The following ASIC2 variants were observed in gnomAD, a reference collection of about 807,000 sequenced individuals.
ASIC2 encodes acid sensing ion channel subunit 2.
A neutral mutation model predicts 57.3 loss-of-function variants in ASIC2; 25 were observed. The observed-to-expected ratio is 0.44, with a 90% CI of 0.32 to 0.61. The LOEUF is 0.61. Among genes scored for constraint, ASIC2 ranks in the 20% least tolerant of loss-of-function variants. The probability of loss-of-function intolerance (pLI) is 0.06; values close to 1 mark genes in which losing one functional copy is unlikely to be tolerated. For synonymous variants in ASIC2, 319 were observed against 307.5 expected (o/e 1.04, Z -0.39); for missense variants, 641 against 738.1 (o/e 0.87, Z 1.52).
intron 1 of ASIC2, among the ~76,000 whole-genome samples, chr17:33,579,421 GGA>G (rs1289646911): frequency 5.3e-5 from 8 of 152,058 alleles, no homozygotes; most frequent in African/African-American, 1.7e-4. Flanking sequence ...TAGAAAACAA[GGA>G]GATATAGACT....
chr17:33,017,766 C>A, intron 7 of ASIC2, 82 bp from the exon 8 acceptor site: 1 of 1,328,974 alleles, frequency 7.5e-7, no homozygotes, highest in Non-Finnish European at 1.1e-6. Flanking sequence ...CAACCCAGAC[C>A]TTCTGAATGG....
At chr17:33,357,254 G>A (rs889183285) in intron 1 of ASIC2, among the ~76,000 whole-genome samples, 9 of 152,182 alleles carry the variant, frequency 5.9e-5, no homozygotes, top group East Asian at 3.9e-4. Flanking sequence ...ATATGCACAG[G>A]GGGTACAGTT....
intron 1 of ASIC2, among the ~76,000 whole-genome samples, chr17:34,085,332 G>GATT (rs1910069255): frequency 6.6e-6 from 1 of 152,264 alleles, no homozygotes; most frequent in South Asian, 2.1e-4. Flanking sequence ...TTATATGCTG[G>GATT]ATTACATTTA....
intron 1 of ASIC2, among the ~76,000 whole-genome samples, chr17:33,283,502 G>T (rs1905039780): frequency 6.6e-6 from 1 of 152,182 alleles, no homozygotes; most frequent in African/African-American, 2.4e-5. Context: ...ATTGCCAACT[G>T]GAGTGTGGTG....
chr17:33,349,711 A>AT (rs1368273407), intron 1 of ASIC2, among the ~76,000 whole-genome samples: 4 of 152,144 alleles, frequency 2.6e-5, no homozygotes, highest in African/African-American at 9.7e-5. Context: ...ACCAGAAATG[A>AT]TTTTTCTAGC....
intron 1 of ASIC2, among the ~76,000 whole-genome samples, chr17:34,019,064 C>T (rs972156200): frequency 7.2e-5 from 11 of 152,198 alleles, no homozygotes; most frequent in Non-Finnish European, 1.3e-4. Flanking sequence ...CCCGCCACCA[C>T]GCCTGGCTAA....
chr17:33,889,018 T>C lies in ASIC2; in HGVS notation c.555+266960A>G, dbSNP rs1914896915. The stretch of plus-strand genomic sequence containing the variant: ...ACTCAGCAACTGCAAATCATGTTGC[T>C]GAGTAAAAATGTTTCTTGGGATGGG... On this transcript the variant is annotated intron_variant, in intron 1 of 9. Coordinates refer to the ASIC2 transcript ENST00000359872. 2.6e-5 allele frequency among the ~76,000 whole-genome samples: 4 copies of C among 152,272 alleles called. No individual in the cohort carries two copies. The South Asian group carries it at 8.3e-4, about 32-fold the overall frequency.
chr17:33,294,752 AAC>A (rs1309218488), upstream of ASIC2, among the ~76,000 whole-genome samples: 1 of 152,062 alleles, frequency 6.6e-6, no homozygotes, highest in South Asian at 2.1e-4. Context: ...ACATATACAC[AAC>A]ACACACACAC....
At chr17:33,744,994 A>T (rs1036156925) in intron 1 of ASIC2, among the ~76,000 whole-genome samples, 3 of 152,246 alleles carry the variant, frequency 2.0e-5, no homozygotes, top group African/African-American at 7.2e-5. Flanking sequence ...AACAGAGATT[A>T]TTCAATCCAA....
intron 1 of ASIC2, among the ~76,000 whole-genome samples, chr17:33,849,171 C>T (rs317395): frequency 0.38 from 58,234 of 152,088 alleles, 12,252 homozygotes; most frequent in East Asian, 0.81. Flanking sequence ...ATCTAGTGCT[C>T]ACTCTAGGTG....
At chr17:33,431,271 C>T (rs1030743451) in intron 1 of ASIC2, among the ~76,000 whole-genome samples, 3 of 152,120 alleles carry the variant, frequency 2.0e-5, no homozygotes, top group Admixed American at 6.5e-5. Flanking sequence ...TGAGAAACTG[C>T]AAGGTGTGGA....
intron 1 of ASIC2, among the ~76,000 whole-genome samples, chr17:33,136,390 G>A (rs1374413247): frequency 6.6e-6 from 1 of 152,200 alleles, no homozygotes; most frequent in African/African-American, 2.4e-5. Context: ...TGTATAGAAT[G>A]TTATATGAAC....
chr17:33,962,507 A>G (rs1904956177), intron 1 of ASIC2, among the ~76,000 whole-genome samples: 1 of 152,178 alleles, frequency 6.6e-6, no homozygotes, highest in Non-Finnish European at 1.5e-5. Context: ...AGCTATTCTA[A>G]TGCCTTGTAA....
At chr17:33,817,009 G>A (rs1912603074) in intron 1 of ASIC2, among the ~76,000 whole-genome samples, 1 of 152,224 alleles carries the variant, frequency 6.6e-6, no homozygotes, top group Non-Finnish European at 1.5e-5. Context: ...CACACCGCCT[G>A]GCAGGCACAT....
At chr17:33,287,173 T>C (rs573136806) in intron 1 of ASIC2, among the ~76,000 whole-genome samples, 2 of 152,350 alleles carry the variant, frequency 1.3e-5, no homozygotes, top group African/African-American at 4.8e-5. Flanking sequence ...ATTGCTCATA[T>C]GTTATCTTCA....
At chr17:34,038,232 T>C (rs867832499) in intron 1 of ASIC2, 12 of 1,611,592 alleles carry the variant, frequency 7.4e-6, no homozygotes, top group Middle Eastern at 1.9e-4. Flanking sequence ...TGCATGATAA[T>C]GGACCGGGCC....
At chr17:33,626,163 T>C (rs1224162460) in intron 1 of ASIC2, among the ~76,000 whole-genome samples, 1 of 152,190 alleles carries the variant, frequency 6.6e-6, no homozygotes, top group East Asian at 1.9e-4. Flanking sequence ...CTTAAGTTCT[T>C]TGTTAACTTA....
chr17:33,590,817 A>C (rs112301610), intron 1 of ASIC2, among the ~76,000 whole-genome samples: 7 of 152,348 alleles, frequency 4.6e-5, no homozygotes, highest in Admixed American at 4.6e-4. Flanking sequence ...ACAGGTCTGC[A>C]TGGGAGAAAA....
intron 1 of ASIC2, among the ~76,000 whole-genome samples, chr17:33,508,765 T>C (rs1274614715): frequency 6.6e-6 from 1 of 152,186 alleles, no homozygotes; most frequent in Non-Finnish European, 1.5e-5. Context: ...CCTTCCAACC[T>C]GGCACTGTCT....
Sources: allele counts gnomAD v4.1 joint callset (sites outside exome capture counted in the v4.1 genomes callset), GRCh38; gene constraint gnomAD v4.1.1; transcripts MANE v1.5; gene names NCBI Gene and HGNC (gene_info 2026-07-23, HGNC 2026-07-21).